Variants in YEATS2 observed in about 807,000 individuals in gnomAD.
YEATS2 encodes YEATS domain-containing protein 2.
A neutral mutation model predicts 163.2 loss-of-function variants in YEATS2; 77 were observed. That is an observed-to-expected ratio of 0.47 (90% confidence interval 0.39 to 0.57). YEATS2 has a LOEUF of 0.57. Ranked by LOEUF, YEATS2 falls within the 20% of genes least tolerant of loss-of-function variation. The pLI is 0.00. For missense variants in YEATS2, 1,549 were observed against 1,729.8 expected (o/e 0.90, Z 1.85); for synonymous variants, 631 against 645.1 (o/e 0.98, Z 0.33).
intron 1 of YEATS2, among the ~76,000 whole-genome samples, chr3:183,702,804 A>T (rs567711280): frequency 6.6e-6 from 1 of 151,516 alleles, no homozygotes; most frequent in East Asian, 2.0e-4. Flanking sequence ...ACTGCACTCC[A>T]TCCTGGGCGA....
intron 9 of YEATS2, 43 bp from the exon 10 acceptor site, chr3:183,752,030 T>C: frequency 6.2e-7 from 1 of 1,605,416 alleles, no homozygotes; most frequent in Non-Finnish European, 8.5e-7. Flanking sequence ...TTCTGTGACA[T>C]TGATGATGGA....
intron 19 of YEATS2, 99 bp from the exon 20 acceptor site, chr3:183,786,026 T>C (rs1273631136): frequency 6.6e-6 from 9 of 1,371,602 alleles, no homozygotes; most frequent in South Asian, 1.4e-5. Flanking sequence ...TTCTTGGTTA[T>C]TCTCCAAGTC....
intron 1 of YEATS2, among the ~76,000 whole-genome samples, chr3:183,711,259 A>T (rs1027392052): frequency 6.6e-6 from 1 of 152,038 alleles, no homozygotes; most frequent in African/African-American, 2.4e-5. Flanking sequence ...TCACGAGGTC[A>T]GGAGATTGAG....
At chr3:183,795,268 A>G (rs538358819) in intron 21 of YEATS2, among the ~76,000 whole-genome samples, 15 of 151,876 alleles carry the variant, frequency 9.9e-5, no homozygotes, top group African/African-American at 2.7e-4. Flanking sequence ...GGCCTACAAC[A>G]TATACATTCC....
At chr3:183,704,453 C>G (rs189022591) in intron 1 of YEATS2, among the ~76,000 whole-genome samples, 2 of 152,028 alleles carry the variant, frequency 1.3e-5, no homozygotes, top group African/African-American at 4.8e-5. Context: ...TTTAAATAGT[C>G]TGTTACTTTA....
intron 2 of YEATS2, among the ~76,000 whole-genome samples, chr3:183,715,980 G>C (rs1715813457): frequency 6.6e-6 from 1 of 151,926 alleles, no homozygotes; most frequent in South Asian, 2.1e-4. Flanking sequence ...TATTTTTTGA[G>C]ACAGAGTCTT....
intron 20 of YEATS2, among the ~76,000 whole-genome samples, chr3:183,787,841 C>G (rs1221979711): frequency 7.0e-6 from 1 of 142,850 alleles, no homozygotes; most frequent in Non-Finnish European, 1.5e-5. Context: ...ACTAAAAATA[C>G]AAAAAAAAAA....
chr3:183,799,771 G>A (rs1409322681), intron 23 of YEATS2, among the ~76,000 whole-genome samples: 1 of 151,038 alleles, frequency 6.6e-6, no homozygotes, highest in East Asian at 2.0e-4. Context: ...AACGGTCCCA[G>A]TATTAGAACG....
chr3:183,738,551 C>T (rs1390712322), intron 8 of YEATS2, among the ~76,000 whole-genome samples: 3 of 105,160 alleles, frequency 2.9e-5, no homozygotes, highest in Non-Finnish European at 3.7e-5. Flanking sequence ...ATCCCTCCCC[C>T]CTCCCCCCAC....
intron 7 of YEATS2, among the ~76,000 whole-genome samples, chr3:183,730,052 G>GTTTGTTTTTTTTTTTTTTTTTTTTT: frequency 2.4e-5 from 1 of 41,718 alleles, no homozygotes; most frequent in Non-Finnish European, 4.4e-5. Flanking sequence ...TTTTTTGTTT[G>GTTTGTTTTTTTTTTTTTTTTTTTTT]TTTTTTTTTT....
Position 183,810,608 on chromosome 3 carries a change from C to T in YEATS2, c.*25C>T. 5.0e-6 allele frequency: 8 copies of T among 1,604,958 alleles called. No individual in the cohort carries two copies. The highest frequency in any genetic ancestry group is 6.8e-6 in the Non-Finnish European group (8 of 1,172,316). ...AGCGGAGTGAGGTGCCCTGGAGAAG[C>T]AGGCTTTGAAGGCACAGCGAAGCTG... On this transcript the variant is annotated 3_prime_UTR_variant, in exon 31 of 31. Transcript: ENST00000305135.
chr3:183,717,564 C>T (rs1716027874), intron 2 of YEATS2, 87 bp from the exon 3 acceptor site: 2 of 1,008,118 alleles, frequency 2.0e-6, no homozygotes, highest in South Asian at 1.6e-5. Flanking sequence ...GTTACTATTT[C>T]TTGGATTTCT....
intron 19 of YEATS2, among the ~76,000 whole-genome samples, chr3:183,782,879 A>G (rs757820132): frequency 1.3e-4 from 20 of 152,242 alleles, no homozygotes; most frequent in Middle Eastern, 3.2e-3. Flanking sequence ...ATCATAGGGT[A>G]CATATATGTT....
Position 183,777,523 on chromosome 3 carries a change from A to G in YEATS2, c.2578-19A>G, listed in dbSNP as rs774965712. On this transcript the variant is annotated intron_variant, in intron 18 of 30. Coordinates refer to ENST00000305135, the MANE Select transcript of YEATS2 (RefSeq NM_018023.5). ...TTAACAAATTACCGATTAGTTCTTT[A>G]TATTTTTTTCTAACTTAGGGCACAT... The G allele has an allele frequency of 1.9e-6, 3 of 1,611,048 alleles. No homozygotes were observed. Among genetic ancestry groups the G allele is most frequent in the Non-Finnish European group, 2.5e-6 (3 of 1,178,946 alleles).
chr3:183,769,965 G>A (rs1220933505), intron 15 of YEATS2, among the ~76,000 whole-genome samples: 2 of 151,682 alleles, frequency 1.3e-5, no homozygotes, highest in African/African-American at 2.4e-5. Context: ...GATTACAGGC[G>A]CGAGCCACCA....
intron 6 of YEATS2, among the ~76,000 whole-genome samples, chr3:183,728,116 G>A (rs949451952): frequency 6.6e-6 from 1 of 151,896 alleles, no homozygotes; most frequent in Non-Finnish European, 1.5e-5. Flanking sequence ...CTAGACTGAA[G>A]TACAGTGATG....
intron 12 of YEATS2, 50 bp downstream of exon 12, chr3:183,756,739 A>T: frequency 1.2e-5 from 16 of 1,321,944 alleles, no homozygotes; most frequent in Non-Finnish European, 1.6e-5. Context: ...GATCTTTATT[A>T]AAAATGTAAT....
chr3:183,758,533 G>A (rs1319805055), intron 12 of YEATS2, among the ~76,000 whole-genome samples: 3 of 152,116 alleles, frequency 2.0e-5, no homozygotes, highest in African/African-American at 7.2e-5. Flanking sequence ...ATACGTTATA[G>A]TGTCTTTTAT....
Position 183,789,914 on chromosome 3 carries a change from C to T in YEATS2, c.2914-883C>T, listed in dbSNP as rs147415879. ...TTTTTTATGTAAATATCCAGTTGGC[C>T]TAGAAACATTTGTTGAAAAACCATC... On this transcript the variant is annotated intron_variant, in intron 20 of 30. Transcript: ENST00000305135. 6.7e-3 allele frequency among the ~76,000 whole-genome samples: 1,013 copies of T among 152,164 alleles called. 6 individuals are homozygous for T. The highest frequency in any genetic ancestry group is 0.011 in the Non-Finnish European group (779 of 67,986).
Sources: allele counts gnomAD v4.1 joint callset (sites outside exome capture counted in the v4.1 genomes callset), GRCh38; gene constraint gnomAD v4.1.1; transcripts MANE v1.5; gene names NCBI Gene and HGNC (gene_info 2026-07-23, HGNC 2026-07-21).